The following PCDHGA2 variants were observed in gnomAD, a reference collection of about 807,000 sequenced individuals.
PCDHGA2 encodes protocadherin gamma-A2.
A neutral mutation model predicts 59.2 loss-of-function variants in PCDHGA2; 40 were observed. That is an observed-to-expected ratio of 0.68 (90% confidence interval 0.52 to 0.88). The LOEUF (loss-of-function observed/expected upper bound fraction) is 0.88. Ranked by LOEUF, PCDHGA2 falls within the 40% of genes least tolerant of loss-of-function variation. The pLI is 0.00. For missense variants in PCDHGA2, 1,226 were observed against 1,204.0 expected (o/e 1.02, Z -0.27); for synonymous variants, 560 against 526.0 (o/e 1.06, Z -0.89).
At chr5:141,405,442 C>A in intron 1 of PCDHGA2, 1 of 1,378,146 alleles carries the variant, frequency 7.3e-7, no homozygotes, top group Non-Finnish European at 1.0e-6. Context: ...GTTTTTGAGA[C>A]AGAGTCTTAC....
At position 141,477,115 on chromosome 5, in the gene PCDHGA2, A is replaced by G. The variant is rs1218111107; in HGVS notation, c.2425-17692A>G. ...AAGACAAGGGCGCCAATCCCGAAGG[A>G]GCACATTGCAAAGTGTTGGTGGAGG... On this transcript the variant is annotated intron_variant, in intron 1 of 3. Transcript: ENST00000394576. This position sits in a 1 kb window ranked among gnomAD's most constrained non-coding sequence, Gnocchi z 4.9. 1 of 1,614,230 alleles carries G rather than the reference A, an allele frequency of 6.2e-7. No homozygotes were observed. Among genetic ancestry groups the G allele is most frequent in the South Asian group, 1.1e-5 (1 of 91,090 alleles).
At position 141,486,028 on chromosome 5, in the gene PCDHGA2, C is replaced by T; in HGVS notation, c.2425-8779C>T. On this transcript the variant is annotated intron_variant, in intron 1 of 3. Transcript: ENST00000394576. This position sits in a 1 kb window ranked among gnomAD's most constrained non-coding sequence, Gnocchi z 5.0. ...TCACCTTTTATTTCAGTGGTCATAC[C>T]CCTGATCGTGTAAGAAACCTCTTTA... The T allele has an allele frequency of 6.2e-7, 1 of 1,614,134 alleles. No individual in the cohort carries two copies. Among genetic ancestry groups the T allele is most frequent in the Non-Finnish European group, 8.5e-7 (1 of 1,180,020 alleles).
At chr5:141,396,546 G>A (rs2093396215) in intron 1 of PCDHGA2, 1 of 152,118 alleles carries the variant, frequency 6.6e-6, no homozygotes, top group Non-Finnish European at 1.5e-5. Context: ...CTTGAACCCG[G>A]GAGGTGGAGG....
At position 141,477,961 on chromosome 5, in the gene PCDHGA2, C is replaced by G. The variant is rs199947431; in HGVS notation, c.2425-16846C>G. On this transcript the variant is annotated intron_variant, in intron 1 of 3. Transcript: ENST00000394576. The surrounding 1 kb of genome is among the most constrained non-coding windows in gnomAD (Gnocchi z 4.9). ...CCTACAGTCTCTTGGGATCCCCTAA[C>G]CAGAGCCTTTTTGCCATAGGGCTGC... 10 of 1,614,166 alleles carry G rather than the reference C, an allele frequency of 6.2e-6. No individual in the cohort carries two copies. Among genetic ancestry groups the G allele is most frequent in the Middle Eastern group, 3.3e-4 (2 of 6,062 alleles).
chr5:141,427,890 G>T lies in PCDHGA2; in HGVS notation c.2425-66917G>T, dbSNP rs1438515062. 1.9e-6 allele frequency: 3 copies of T among 1,566,844 alleles called. No homozygotes were observed. In the South Asian group the frequency reaches 3.3e-5, roughly 17 times the overall value. Reference sequence around the variant, plus strand: ...GCTCACGATGCAGGCCCACGACCAGGGCTCGCCCGCGCTCAGCGCCAACAT... The same window carrying T: ...GCTCACGATGCAGGCCCACGACCAGTGCTCGCCCGCGCTCAGCGCCAACAT... On this transcript the variant is annotated intron_variant, in intron 1 of 3. Transcript: ENST00000394576.
In PCDHGA2 at chr5:141,339,269, G is replaced by A. The variant is rs373238461; in HGVS notation, c.298G>A (p.Ala100Thr). The change falls in exon 1 of 4, where the codon GCA becomes ACA. Residue 100 changes from alanine (A) to threonine (T), a missense_variant. Ala to Thr is a moderately conservative substitution (Grantham distance 58, BLOSUM62 0). Transcript: ENST00000394576. ...IDREELCAQS[A>T]PCLLNFNILL... ...CCGGGAGGAGCTCTGCGCTCAGAGC[G>A]CACCCTGTCTGTTGAATTTTAACAT... 1.2e-6 allele frequency: 2 copies of A among 1,614,172 alleles called. No individual in the cohort carries two copies. Among genetic ancestry groups the A allele is most frequent in the Non-Finnish European group, 1.7e-6 (2 of 1,179,996 alleles).
chr5:141,343,571 C>T (rs901562786), intron 1 of PCDHGA2, among the ~76,000 whole-genome samples: 17 of 152,198 alleles, frequency 1.1e-4, no homozygotes, highest in South Asian at 2.1e-4. Flanking sequence ...GTTAACTCCA[C>T]TATGTTTGAA....
At chr5:141,375,517 C>T (rs1399312320) in intron 1 of PCDHGA2, 3 of 1,614,038 alleles carry the variant, frequency 1.9e-6, no homozygotes, top group Non-Finnish European at 1.7e-6. Flanking sequence ...ATGCACTGGA[C>T]CCTGACGTGG....
chr5:141,346,457 G>A (rs753868796), intron 1 of PCDHGA2: 89 of 1,614,170 alleles, frequency 5.5e-5, no homozygotes, highest in Non-Finnish European at 6.9e-5. Context: ...ACCTACTTCA[G>A]GTGAGTTTAT....
chr5:141,487,069 T>C lies in PCDHGA2; in HGVS notation c.2425-7738T>C, dbSNP rs750739955. 26 of 1,614,160 alleles carry C rather than the reference T, an allele frequency of 1.6e-5. No homozygotes were observed. Among genetic ancestry groups the C allele is most frequent in the Non-Finnish European group, 2.0e-5 (24 of 1,180,002 alleles). On this transcript the variant is annotated intron_variant, in intron 1 of 3. Transcript: ENST00000394576. This position sits in a 1 kb window ranked among gnomAD's most constrained non-coding sequence, Gnocchi z 5.0. The stretch of plus-strand genomic sequence containing the variant: ...ATGCTGGGGAGGTGCGGACGGCTGT[T>C]CCTATCCCAGCTGACCTCCCACCAC...
At chr5:141,442,445 T>A (rs2098325574) in intron 1 of PCDHGA2, 1 of 152,198 alleles carries the variant, frequency 6.6e-6, no homozygotes, top group South Asian at 2.1e-4. Flanking sequence ...CCCTCAGGAC[T>A]CAATAGCAGT....
At chr5:141,366,818 C>T (rs367913992) in intron 1 of PCDHGA2, 3 of 1,545,048 alleles carry the variant, frequency 1.9e-6, no homozygotes, top group Non-Finnish European at 1.7e-6. Flanking sequence ...ATGTTTCTGT[C>T]ATATTCAGAA....
chr5:141,436,267 T>C (rs2097805427), intron 1 of PCDHGA2, among the ~76,000 whole-genome samples: 1 of 152,198 alleles, frequency 6.6e-6, no homozygotes, highest in South Asian at 2.1e-4. Flanking sequence ...TCTGCTCACC[T>C]AACTTGATTT....
intron 1 of PCDHGA2, among the ~76,000 whole-genome samples, chr5:141,459,831 G>T (rs907978430): frequency 1.3e-5 from 2 of 152,150 alleles, no homozygotes; most frequent in Non-Finnish European, 2.9e-5. Context: ...CTTTTCATGT[G>T]TTGTCTATTT....
At chr5:141,428,174 G>A (rs962782246) in intron 1 of PCDHGA2, 3 of 1,515,246 alleles carry the variant, frequency 2.0e-6, no homozygotes, top group Non-Finnish European at 2.7e-6. Context: ...TGTGCGTGAC[G>A]GAGGACAGCC....
chr5:141,410,329 G>T, intron 1 of PCDHGA2: 1 of 1,613,982 alleles, frequency 6.2e-7, no homozygotes, highest in African/African-American at 1.3e-5. Context: ...CCGTGATTCT[G>T]GCCATTGCCT....
chr5:141,414,958 G>T, intron 1 of PCDHGA2: 2 of 1,614,024 alleles, frequency 1.2e-6, no homozygotes, highest in East Asian at 2.2e-5. Context: ...GGTGACCAAG[G>T]TGGTGGCGGT....
chr5:141,501,299 AC>A (rs1446641380), intron 2 of PCDHGA2, among the ~76,000 whole-genome samples: 1 of 149,208 alleles, frequency 6.7e-6, no homozygotes, highest in African/African-American at 2.5e-5. Flanking sequence ...ATACACACAC[AC>A]ACACACACAC....
intron 1 of PCDHGA2, chr5:141,398,765 C>T (rs2093700875): frequency 6.2e-7 from 1 of 1,613,944 alleles, no homozygotes. Flanking sequence ...TTAGTCCTGA[C>T]TGCCTTGGAC....
Sources: gnomAD v4.1 joint callset for allele counts (sites outside exome capture counted in the v4.1 genomes callset) on GRCh38, gnomAD v4.1.1 for gene constraint, Gnocchi (gnomAD v3.1) non-coding constraint, MANE v1.5 for transcripts, NCBI Gene and HGNC (gene_info 2026-07-23, HGNC 2026-07-21) for gene names.